The following GCH1 variants were observed in gnomAD, a reference collection of about 807,000 sequenced individuals.
The protein encoded by GCH1 is GTP cyclohydrolase 1.
In GCH1, 5 loss-of-function variants were observed where a neutral mutation model predicts 25.9. The observed-to-expected ratio is 0.19, with a 90% CI of 0.10 to 0.41. GCH1 has a LOEUF of 0.41. GCH1 is among the 10% of genes least tolerant of loss of function. The pLI is 1.00. For missense variants in GCH1, 261 were observed against 336.5 expected, an observed-to-expected ratio of 0.78 and a Z score of 1.75; for synonymous variants, 159 against 129.6, an observed-to-expected ratio of 1.23 and a Z score of -1.54.
Position 54,859,465 on chromosome 14 carries a change from T to C in GCH1, c.509+216A>G, listed in dbSNP as rs991976904. On this transcript the variant is annotated intron_variant, in intron 3 of 5. Coordinates refer to ENST00000491895, the MANE Select transcript of GCH1 (RefSeq NM_000161.3). Reference sequence around the variant, plus strand: ...GAGACTTCCAGGATGTATGTATCTATGGAAGAAAGGGTGGGAAGTGGAAGA... The same window carrying C: ...GAGACTTCCAGGATGTATGTATCTACGGAAGAAAGGGTGGGAAGTGGAAGA... 1.6e-5 allele frequency: 9 copies of C among 574,978 alleles called. No homozygotes were observed. In the Admixed American group the frequency reaches 1.7e-4, roughly 11 times the overall value. The allele number at this position is 574,978 out of a possible 1,614,324, so 35.6% of individuals were successfully genotyped here.
At chr14:54,899,290 G>A (rs577639807) in intron 1 of GCH1, among the ~76,000 whole-genome samples, 16 of 152,056 alleles carry the variant, frequency 1.1e-4, no homozygotes, top group Non-Finnish European at 1.9e-4. Flanking sequence ...GCAAAAACCC[G>A]TCTCTATCAA....
intron 1 of GCH1, among the ~76,000 whole-genome samples, chr14:54,891,718 A>T (rs572567053): frequency 2.0e-5 from 3 of 152,136 alleles, no homozygotes; most frequent in African/African-American, 7.2e-5. Context: ...CCAACAATTC[A>T]TAAGTTTTAA....
At chr14:54,894,779 G>A (rs766529423) in intron 1 of GCH1, among the ~76,000 whole-genome samples, 7 of 152,076 alleles carry the variant, frequency 4.6e-5, no homozygotes, top group Non-Finnish European at 8.8e-5. Flanking sequence ...TTTATTCACA[G>A]TGCTCTTTCT....
rs567120380 is a variant in GCH1, at chr14:54,881,215, C to T, written c.344-15779G>A. 1.9e-4 allele frequency among the ~76,000 whole-genome samples: 29 copies of T among 151,980 alleles called. No homozygotes were observed. In the South Asian group the frequency reaches 3.5e-3, roughly 19 times the overall value. On this transcript the variant is annotated intron_variant, in intron 1 of 5. Coordinates refer to ENST00000491895, the MANE Select transcript of GCH1 (RefSeq NM_000161.3). ...TAAAAAAATTTTAAAAAGAAACAAACATTAAAAAAACAGGTTACCTTTGCA... is the reference window on the plus strand; with the variant it reads ...TAAAAAAATTTTAAAAAGAAACAAATATTAAAAAAACAGGTTACCTTTGCA...
At chr14:54,892,019 T>A (rs1217294921) in intron 1 of GCH1, among the ~76,000 whole-genome samples, 1 of 152,220 alleles carries the variant, frequency 6.6e-6, no homozygotes, top group African/African-American at 2.4e-5. Context: ...CTCAGTTTAT[T>A]AATGAACAAA....
intron 1 of GCH1, among the ~76,000 whole-genome samples, chr14:54,872,199 T>C (rs1294573710): frequency 1.3e-5 from 2 of 152,152 alleles, no homozygotes; most frequent in African/African-American, 4.8e-5. Context: ...TATTCAACAT[T>C]CTTAAAGAAA....
In GCH1 at chr14:54,843,106, C is replaced by T; in HGVS notation, c.*911G>A. 1.4e-6 allele frequency: 2 copies of T among 1,479,076 alleles called. No individual in the cohort carries two copies. Among genetic ancestry groups the T allele is most frequent in the South Asian group, 1.2e-5 (1 of 83,184 alleles). The allele number at this position is 1,479,076 out of a possible 1,614,324, so 91.6% of individuals were successfully genotyped here. A position where few individuals can be genotyped will look rare whatever the true frequency, so the allele number is the denominator to read the frequency against. On this transcript the variant is annotated 3_prime_UTR_variant, in exon 6 of 6. Transcript: ENST00000491895. ...TTTCTGGAAATACTTAGAAAAATAT[C>T]TTATAAGATTAAAAAAAAGAAGAAG...
At chr14:54,897,014 T>G (rs960885850) in intron 1 of GCH1, among the ~76,000 whole-genome samples, 5 of 138,082 alleles carry the variant, frequency 3.6e-5, no homozygotes, top group Non-Finnish European at 7.8e-5. Context: ...CTTTTTGTTT[T>G]TTTTTTTTTT....
chr14:54,895,450 T>C (rs981119914), intron 1 of GCH1, among the ~76,000 whole-genome samples: 2 of 152,206 alleles, frequency 1.3e-5, no homozygotes, highest in African/African-American at 2.4e-5. Context: ...AAAAAACAAC[T>C]GATGGAACAA....
chr14:54,896,629 T>C (rs113352553), intron 1 of GCH1, among the ~76,000 whole-genome samples: 15,342 of 152,016 alleles, frequency 0.1, 919 homozygotes, highest in African/African-American at 0.11. Flanking sequence ...TAGAAGTTTC[T>C]CGGCCGGGAG....
chr14:54,889,331 C>T (rs1040417769), intron 1 of GCH1, among the ~76,000 whole-genome samples: 8 of 152,338 alleles, frequency 5.3e-5, no homozygotes, highest in Middle Eastern at 3.4e-3. Context: ...CACTGTACCA[C>T]AAATGCCTAG....
chr14:54,867,414 C>A (rs948890990), intron 1 of GCH1, among the ~76,000 whole-genome samples: 10 of 151,766 alleles, frequency 6.6e-5, no homozygotes, highest in Non-Finnish European at 1.3e-4. Flanking sequence ...ATGGTCAAAC[C>A]CTGTCTCTAC....
rs571596780 is a variant in GCH1 at position 54,855,681 on chromosome 14, G to T, written c.509+4000C>A. ...ATACAAAAATTAGCCAGGCATGGTG[G>T]TGCACATCAGTAATCCCAGCTACTG... On this transcript the variant is annotated intron_variant, in intron 3 of 5. Transcript: ENST00000491895. Among the ~76,000 whole-genome samples, 24 of 151,682 alleles carry T rather than the reference G, an allele frequency of 1.6e-4. No individual in the cohort carries two copies. In the South Asian group the frequency reaches 5.0e-3, roughly 32 times the overall value.
At chr14:54,900,249 G>A (rs2040544752) in intron 1 of GCH1, among the ~76,000 whole-genome samples, 1 of 150,958 alleles carries the variant, frequency 6.6e-6, no homozygotes, top group African/African-American at 2.4e-5. Context: ...TCCCTCTGTC[G>A]TCCAGGCTGG....
intron 1 of GCH1, among the ~76,000 whole-genome samples, chr14:54,888,670 G>T (rs1287448197): frequency 7.0e-6 from 1 of 142,114 alleles, no homozygotes; most frequent in Admixed American, 7.2e-5. Flanking sequence ...CCACAACCAC[G>T]CCCGGCTAAT....
intron 3 of GCH1, among the ~76,000 whole-genome samples, chr14:54,853,784 T>C (rs1256009582): frequency 2.0e-5 from 3 of 152,144 alleles, no homozygotes; most frequent in African/African-American, 4.8e-5. Context: ...TTATCAAGAA[T>C]AGGCAGCTTC....
At chr14:54,890,816 C>G (rs2140112915) in intron 1 of GCH1, among the ~76,000 whole-genome samples, 1 of 152,256 alleles carries the variant, frequency 6.6e-6, no homozygotes, top group East Asian at 1.9e-4. Context: ...CAAAAAAACT[C>G]AAAATGAATT....
At chr14:54,864,953 T>A (rs2039969439) in intron 2 of GCH1, among the ~76,000 whole-genome samples, 1 of 152,044 alleles carries the variant, frequency 6.6e-6, no homozygotes. Context: ...GATCAAACAT[T>A]ATTCAAGTTA....
intron 1 of GCH1, among the ~76,000 whole-genome samples, chr14:54,898,956 C>G (rs1404623553): frequency 1.3e-5 from 2 of 151,836 alleles, no homozygotes; most frequent in Admixed American, 1.3e-4. Flanking sequence ...TTGTTAAAAA[C>G]TAAGACATGG....
Sources: allele counts gnomAD v4.1 joint callset (sites outside exome capture counted in the v4.1 genomes callset), GRCh38; gene constraint gnomAD v4.1.1; transcripts MANE v1.5; gene names NCBI Gene and HGNC (gene_info 2026-07-23, HGNC 2026-07-21).